The following NCOA2 variants were observed in gnomAD, a reference collection of about 807,000 sequenced individuals.
NCOA2 encodes nuclear receptor coactivator 2.
In NCOA2, 21 loss-of-function variants were observed where a neutral mutation model predicts 145.1. The observed-to-expected ratio is 0.14, with a 90% CI of 0.10 to 0.21. The LOEUF (loss-of-function observed/expected upper bound fraction) is 0.21. Ranked by LOEUF, NCOA2 falls within the 10% of genes least tolerant of loss-of-function variation. NCOA2 has a pLI of 1.00. For missense variants in NCOA2, 1,472 were observed against 1,837.6 expected (o/e 0.80, Z 3.64); for synonymous variants, 619 against 637.5 (o/e 0.97, Z 0.44).
At chr8:70,321,899 C>A (rs1363570656) in intron 1 of NCOA2, among the ~76,000 whole-genome samples, 1 of 138,320 alleles carries the variant, frequency 7.2e-6, no homozygotes, top group Non-Finnish European at 1.5e-5. Context: ...GAGGCCCAGG[C>A]GGGGGGATCA....
intron 1 of NCOA2, among the ~76,000 whole-genome samples, chr8:70,345,827 C>A (rs761537065): frequency 6.6e-6 from 1 of 152,192 alleles, no homozygotes; most frequent in Non-Finnish European, 1.5e-5. Flanking sequence ...AGGCGGTCAG[C>A]TAGCAGAAGC....
intron 8 of NCOA2, 45 bp downstream of exon 8, chr8:70,163,420 T>C (rs765749605): frequency 7.2e-7 from 1 of 1,381,104 alleles, no homozygotes; most frequent in East Asian, 2.3e-5. Context: ...AATATGTAAG[T>C]ATTCTAAAAT....
At position 70,113,203 on chromosome 8, in the gene NCOA2, A is replaced by C; in HGVS notation, c.*429T>G. The C allele has an allele frequency of 4.2e-6, 1 of 238,268 alleles. No individual in the cohort carries two copies. Among genetic ancestry groups the C allele is most frequent in the Non-Finnish European group, 8.2e-6 (1 of 121,972 alleles). The allele number at this position is 238,268 out of a possible 1,614,324, so 14.8% of individuals were successfully genotyped here. ...TTTCTTTCCCCCAGATAAAATCTTA[A>C]TCTTTTGCACTAGACTGTTAGCCAG... On this transcript the variant is annotated 3_prime_UTR_variant, in exon 23 of 23. Transcript: ENST00000452400.
intron 1 of NCOA2, among the ~76,000 whole-genome samples, chr8:70,320,775 TA>T (rs1177878358): frequency 6.6e-6 from 1 of 152,170 alleles, no homozygotes; most frequent in Non-Finnish European, 1.5e-5. Flanking sequence ...CTGCTCTTAA[TA>T]AAAAATAATG....
chr8:70,124,920 G>A, intron 19 of NCOA2, 55 bp from the exon 20 acceptor site: 1 of 1,468,510 alleles, frequency 6.8e-7, no homozygotes, highest in Non-Finnish European at 9.1e-7. Context: ...TTATATTGTA[G>A]AGACTGGTGG....
In NCOA2 at chr8:70,109,999, G is replaced by C. The variant is rs1806402772; in HGVS notation, c.*3633C>G. On this transcript the variant is annotated 3_prime_UTR_variant, in exon 23 of 23. Transcript: ENST00000452400. ...ATGCAGGTGAACAAAGTGATGTTCA[G>C]AGTCAACTCCATTTTGAAAATAAAT... 1 of 193,776 alleles carries C rather than the reference G, an allele frequency of 5.2e-6. No homozygotes were observed. Among genetic ancestry groups the C allele is most frequent in the Admixed American group, 6.1e-5 (1 of 16,388 alleles). The allele number at this position is 193,776 out of a possible 1,614,324, so 12.0% of individuals were successfully genotyped here. A position where few individuals can be genotyped will look rare whatever the true frequency, so the allele number is the denominator to read the frequency against.
At chr8:70,129,009 A>G in intron 16 of NCOA2, 29 bp from the exon 17 acceptor site, 2 of 1,560,576 alleles carry the variant, frequency 1.3e-6, no homozygotes, top group South Asian at 1.2e-5. Context: ...ATAACAAACA[A>G]ATAATTAAAC....
chr8:70,271,720 G>T (rs529118175), intron 2 of NCOA2, among the ~76,000 whole-genome samples: 1 of 152,228 alleles, frequency 6.6e-6, no homozygotes, highest in Non-Finnish European at 1.5e-5. Flanking sequence ...GGTCCTGCAC[G>T]ACTGAGATAG....
intron 13 of NCOA2, 107 bp downstream of exon 13, chr8:70,144,535 T>C: frequency 4.5e-6 from 4 of 895,030 alleles, no homozygotes; most frequent in Non-Finnish European, 7.0e-6. Context: ...GATGTTATTT[T>C]CTAACATAAA....
At chr8:70,264,478 G>C (rs966188861) in intron 2 of NCOA2, among the ~76,000 whole-genome samples, 3 of 152,014 alleles carry the variant, frequency 2.0e-5, no homozygotes, top group South Asian at 4.1e-4. Context: ...CTGGGCAACA[G>C]AATGAGACTC....
At chr8:70,403,847 C>CACTCCTCCTCCTCCTCCTCCTCCT, upstream of NCOA2, 1 of 375,924 alleles carries the variant, frequency 2.7e-6, no homozygotes, top group African/African-American at 2.2e-5. Flanking sequence ...TCCCCCAACT[C>CACTCCTCCTCCTCCTCCTCCTCCT]CCTCCTCCTC....
intron 4 of NCOA2, among the ~76,000 whole-genome samples, chr8:70,195,622 A>G (rs1817213489): frequency 6.6e-6 from 1 of 152,190 alleles, no homozygotes; most frequent in African/African-American, 2.4e-5. Context: ...TATTAATTAC[A>G]TCTTATGTTC....
chr8:70,410,566 C>T, the NCOA2 span, among the ~76,000 whole-genome samples: 7 of 152,104 alleles, frequency 4.6e-5, no homozygotes, highest in Non-Finnish European at 7.4e-5. Context: ...AACTCCTGGG[C>T]TCAAGCCATT....
chr8:70,210,206 A>G (rs1400426693), intron 4 of NCOA2, among the ~76,000 whole-genome samples: 2 of 152,180 alleles, frequency 1.3e-5, no homozygotes, highest in Non-Finnish European at 2.9e-5. Context: ...CGCCTATTCC[A>G]TGGTTTGTTT....
At chr8:70,274,030 C>CAA (rs1825280003) in intron 2 of NCOA2, among the ~76,000 whole-genome samples, 1 of 152,160 alleles carries the variant, frequency 6.6e-6, no homozygotes, top group African/African-American at 2.4e-5. Context: ...TGCTTATACG[C>CAA]AATTCATTCT....
intron 5 of NCOA2, among the ~76,000 whole-genome samples, chr8:70,171,290 A>G (rs1315566548): frequency 6.6e-6 from 1 of 152,190 alleles, no homozygotes; most frequent in Non-Finnish European, 1.5e-5. Context: ...ATCTTTCCCA[A>G]TTTACAGAGG....
At chr8:70,191,463 T>TC (rs1367541927) in intron 4 of NCOA2, among the ~76,000 whole-genome samples, 1 of 152,076 alleles carries the variant, frequency 6.6e-6, no homozygotes, top group Non-Finnish European at 1.5e-5. Flanking sequence ...CATTTCCTAG[T>TC]CCCCCCACTT....
the NCOA2 span, among the ~76,000 whole-genome samples, chr8:70,438,701 T>C: frequency 6.6e-6 from 1 of 152,246 alleles, no homozygotes; most frequent in Non-Finnish European, 1.5e-5. Flanking sequence ...AAAAAATACA[T>C]GCATTTTAAT....
At chr8:70,403,919 G>A (rs561701393), upstream of NCOA2, 1 of 374,018 alleles carries the variant, frequency 2.7e-6, no homozygotes, top group Non-Finnish European at 4.8e-6. Flanking sequence ...GCGCGAGCTC[G>A]CGAGCAGGGG....
Sources: gnomAD v4.1 joint callset for allele counts (sites outside exome capture counted in the v4.1 genomes callset) on GRCh38, gnomAD v4.1.1 for gene constraint, MANE v1.5 for transcripts, NCBI Gene and HGNC (gene_info 2026-07-23, HGNC 2026-07-21) for gene names.